SNX4: variants seen among roughly 807,000 people sequenced by gnomAD.
The protein encoded by SNX4 is sorting nexin-4.
SNX4 carries 49 observed loss-of-function variants against 70.8 expected under a neutral mutation model. The ratio of observed to expected loss-of-function variants is 0.69; its 90% CI spans 0.55 to 0.88. The LOEUF (loss-of-function observed/expected upper bound fraction) is 0.88. SNX4 is among the 40% of genes least tolerant of loss of function. The pLI is 0.00. For missense variants in SNX4, 528 were observed against 544.8 expected, an observed-to-expected ratio of 0.97 and a Z score of 0.31; for synonymous variants, 206 against 183.8, an observed-to-expected ratio of 1.12 and a Z score of -0.98.
chr3:125,504,513 C>T (rs1188679671), intron 2 of SNX4, 110 bp downstream of exon 2: 14 of 1,083,954 alleles, frequency 1.3e-5, no homozygotes, highest in Admixed American at 7.5e-5. Flanking sequence ...AAGTCAATCC[C>T]GAAAAAAAAA....
chr3:125,471,771 A>G (rs1211037927), intron 8 of SNX4, among the ~76,000 whole-genome samples: 1 of 152,212 alleles, frequency 6.6e-6, no homozygotes, highest in East Asian at 1.9e-4. Flanking sequence ...CTATGTATTT[A>G]GTCCATTTCT....
At chr3:125,489,776 T>C (rs1413418905) in intron 5 of SNX4, among the ~76,000 whole-genome samples, 1 of 152,178 alleles carries the variant, frequency 6.6e-6, no homozygotes, top group East Asian at 1.9e-4. Context: ...GTGAAAACAG[T>C]AGTTTTTCTC....
At chr3:125,486,030 G>A (rs1246920574) in intron 6 of SNX4, among the ~76,000 whole-genome samples, 1 of 151,976 alleles carries the variant, frequency 6.6e-6, no homozygotes, top group Non-Finnish European at 1.5e-5. Context: ...TAGTAGAGAC[G>A]GGATTTCACC....
intron 6 of SNX4, among the ~76,000 whole-genome samples, chr3:125,481,527 C>T (rs1934413252): frequency 6.6e-6 from 1 of 151,412 alleles, no homozygotes; most frequent in South Asian, 2.1e-4. Context: ...TGGCTCACCA[C>T]AACCTCCGCC....
At chr3:125,495,250 T>TTATATATATATATA (rs759787193) in intron 5 of SNX4, among the ~76,000 whole-genome samples, 1,990 of 38,034 alleles carry the variant, frequency 0.052, 205 homozygotes, top group Admixed American at 0.082. Context: ...CATTCTCTCT[T>TTATATATATATATA]TATATATATA....
chr3:125,451,439 C>G lies in SNX4; in HGVS notation c.1191-20G>C. 6.6e-7 allele frequency: 1 copy of G among 1,524,292 alleles called. No individual in the cohort carries two copies. The highest frequency in any genetic ancestry group is 9.1e-7 in the Non-Finnish European group (1 of 1,102,232). 94.4% of individuals were successfully genotyped at this position (1,524,292 alleles called of 1,614,324 possible). ...AATTCTCTGAAATAAAAGGTATAGCCATTATTATTATTTAAGTTAAATAAA... is the reference window on the plus strand; with the variant it reads ...AATTCTCTGAAATAAAAGGTATAGCGATTATTATTATTTAAGTTAAATAAA... On this transcript the variant is annotated intron_variant, in intron 12 of 13. Coordinates refer to ENST00000251775, the MANE Select transcript of SNX4 (RefSeq NM_003794.4).
At chr3:125,499,126 A>G (rs145278484) in intron 2 of SNX4, among the ~76,000 whole-genome samples, 1 of 152,206 alleles carries the variant, frequency 6.6e-6, no homozygotes, top group Non-Finnish European at 1.5e-5. Context: ...CATACATACA[A>G]AAGTTCAATT....
intron 5 of SNX4, among the ~76,000 whole-genome samples, chr3:125,494,050 AG>A (rs1306293346): frequency 2.0e-5 from 3 of 147,354 alleles, no homozygotes; most frequent in Admixed American, 6.8e-5. Flanking sequence ...AAAAAAAAAA[AG>A]AAAATATTAA....
chr3:125,491,022 A>G (rs1051478902), intron 5 of SNX4, among the ~76,000 whole-genome samples: 5 of 152,196 alleles, frequency 3.3e-5, no homozygotes, highest in Non-Finnish European at 7.4e-5. Flanking sequence ...CTAAGAAAAT[A>G]AAAACAAATA....
chr3:125,489,070 ATTTTC>A (rs970911857), intron 6 of SNX4, among the ~76,000 whole-genome samples: 3 of 152,174 alleles, frequency 2.0e-5, no homozygotes, highest in African/African-American at 7.2e-5. Context: ...AAAGTATATA[ATTTTC>A]TTATCTTGAG....
intron 9 of SNX4, among the ~76,000 whole-genome samples, chr3:125,465,905 A>G (rs1206244007): frequency 6.6e-6 from 1 of 152,174 alleles, no homozygotes; most frequent in African/African-American, 2.4e-5. Context: ...GGCATCCCAA[A>G]CAGCTGAGAT....
intron 5 of SNX4, among the ~76,000 whole-genome samples, chr3:125,495,250 T>TTATATATATATATATACATATATATATA (rs1934758526): frequency 2.6e-5 from 1 of 38,166 alleles, no homozygotes; most frequent in Non-Finnish European, 6.2e-5. Flanking sequence ...CATTCTCTCT[T>TTATATATATATATATACATATATATATA]TATATATATA....
chr3:125,469,634 G>A (rs1192453074), intron 8 of SNX4, 115 bp from the exon 9 acceptor site: 12 of 694,440 alleles, frequency 1.7e-5, no homozygotes, highest in South Asian at 5.6e-5. Context: ...TATAGCACCC[G>A]TATTTGGGTT....
chr3:125,493,902 T>G (rs1252784975), intron 5 of SNX4, among the ~76,000 whole-genome samples: 3 of 151,668 alleles, frequency 2.0e-5, no homozygotes, highest in Non-Finnish European at 2.9e-5. Context: ...TCAGGCATGG[T>G]GGTGAGCGCC....
chr3:125,456,011 C>T (rs1437312080), intron 11 of SNX4, among the ~76,000 whole-genome samples: 2 of 152,240 alleles, frequency 1.3e-5, no homozygotes, highest in African/African-American at 4.8e-5. Flanking sequence ...TAAAAACAAA[C>T]AAACAAACAA....
intron 9 of SNX4, among the ~76,000 whole-genome samples, chr3:125,467,069 T>G (rs1579981319): frequency 7.1e-5 from 8 of 112,364 alleles, no homozygotes; most frequent in South Asian, 2.8e-4. Flanking sequence ...GGTGAAAGAG[T>G]GAGACTCTGT....
At chr3:125,452,811 G>A (rs1305216260) in intron 12 of SNX4, among the ~76,000 whole-genome samples, 1 of 151,988 alleles carries the variant, frequency 6.6e-6, no homozygotes, top group Non-Finnish European at 1.5e-5. Flanking sequence ...TAGAGACAGG[G>A]TTTCAGCATG....
At chr3:125,502,809 G>A (rs1299111284) in intron 2 of SNX4, among the ~76,000 whole-genome samples, 4 of 141,412 alleles carry the variant, frequency 2.8e-5, no homozygotes, top group Non-Finnish European at 3.0e-5. Context: ...AGCCGAGATC[G>A]CGCCACCGCA....
intron 1 of SNX4, among the ~76,000 whole-genome samples, chr3:125,516,725 C>T (rs994823201): frequency 1.3e-5 from 2 of 152,196 alleles, no homozygotes; most frequent in Non-Finnish European, 2.9e-5. Flanking sequence ...CCTTTAACCA[C>T]AGCTACTCGG....
Sources: gnomAD v4.1 joint callset for allele counts (sites outside exome capture counted in the v4.1 genomes callset) on GRCh38, gnomAD v4.1.1 for gene constraint, MANE v1.5 for transcripts, NCBI Gene and HGNC (gene_info 2026-07-23, HGNC 2026-07-21) for gene names.